DLGAP2: variants seen among roughly 807,000 people sequenced by gnomAD.
DLGAP2 encodes the protein disks large-associated protein 2.
A neutral mutation model predicts 100.3 loss-of-function variants in DLGAP2; 26 were observed. The ratio of observed to expected loss-of-function variants is 0.26; its 90% CI spans 0.19 to 0.36. The LOEUF is 0.36. DLGAP2 is among the 10% of genes least tolerant of loss of function. The pLI is 1.00. For synonymous variants in DLGAP2, 886 were observed against 630.1 expected, an observed-to-expected ratio of 1.41 and a Z score of -6.08; for missense variants, 1,858 against 1,453.2, an observed-to-expected ratio of 1.28 and a Z score of -4.53.
chr8:801,399 G>A (rs959255948), intron 1 of DLGAP2, among the ~76,000 whole-genome samples: 1 of 152,084 alleles, frequency 6.6e-6, no homozygotes, highest in Non-Finnish European at 1.5e-5. Context: ...TTTGCATAAG[G>A]CCCCGTGGGC....
chr8:1,240,751 GCA>G (rs1798774518), intron 2 of DLGAP2, among the ~76,000 whole-genome samples: 1 of 54,672 alleles, frequency 1.8e-5, no homozygotes, highest in Admixed American at 1.8e-4. Flanking sequence ...TGGTTCTCTC[GCA>G]TGGCGCCGTG....
intron 2 of DLGAP2, among the ~76,000 whole-genome samples, chr8:1,095,716 A>G (rs1804346562): frequency 6.6e-6 from 1 of 152,358 alleles, no homozygotes; most frequent in Admixed American, 6.5e-5. Flanking sequence ...GTGCTGGAGA[A>G]GAAAGCTCTA....
chr8:788,706 T>G (rs113483139), intron 1 of DLGAP2, among the ~76,000 whole-genome samples: 97 of 152,330 alleles, frequency 6.4e-4, no homozygotes, highest in African/African-American at 2.2e-3. Context: ...CTGGGGGCAG[T>G]GTTTTAATCA....
chr8:1,441,892 A>G (rs747117027), intron 3 of DLGAP2, among the ~76,000 whole-genome samples: 2 of 151,968 alleles, frequency 1.3e-5, no homozygotes, highest in Non-Finnish European at 1.5e-5. Context: ...TGCACCTATC[A>G]ATGTGGTCCA....
At chr8:1,337,855 C>A (rs1407215183) in intron 3 of DLGAP2, among the ~76,000 whole-genome samples, 2 of 152,022 alleles carry the variant, frequency 1.3e-5, no homozygotes, top group East Asian at 3.9e-4. Context: ...TGAAAAAGAC[C>A]AGTCAAATTA....
intron 1 of DLGAP2, among the ~76,000 whole-genome samples, chr8:766,240 C>G (rs1272812185): frequency 6.6e-6 from 1 of 152,248 alleles, no homozygotes; most frequent in African/African-American, 2.4e-5. Context: ...GCTGCACATA[C>G]GTGCACATAT....
intron 1 of DLGAP2, among the ~76,000 whole-genome samples, chr8:781,076 C>A (rs1172091282): frequency 1.3e-5 from 2 of 152,110 alleles, no homozygotes; most frequent in African/African-American, 4.8e-5. Context: ...GTATAGATAA[C>A]CCCTTTTTTT....
chr8:943,387 G>C (rs1397959389), intron 2 of DLGAP2, among the ~76,000 whole-genome samples: 1 of 152,262 alleles, frequency 6.6e-6, no homozygotes. Flanking sequence ...CGGACACTTT[G>C]GTTTTGACTG....
At chr8:1,420,756 T>A (rs775060390) in intron 3 of DLGAP2, among the ~76,000 whole-genome samples, 5 of 152,102 alleles carry the variant, frequency 3.3e-5, no homozygotes, top group Non-Finnish European at 7.3e-5. Context: ...GGCTCGGTGG[T>A]AATCTTGTTA....
At chr8:1,416,762 A>AAG (rs1261476865) in intron 3 of DLGAP2, among the ~76,000 whole-genome samples, 1 of 152,208 alleles carries the variant, frequency 6.6e-6, no homozygotes, top group Non-Finnish European at 1.5e-5. Flanking sequence ...TTGGCTGCTT[A>AAG]AGAGGAGAGC....
At chr8:993,499 C>T (rs1483336001) in intron 2 of DLGAP2, among the ~76,000 whole-genome samples, 2 of 138,966 alleles carry the variant, frequency 1.4e-5, no homozygotes, top group African/African-American at 5.6e-5. Context: ...TTGCCTGGAC[C>T]CCCTGCACCC....
In DLGAP2 at chr8:776,408, G is replaced by T. The variant is rs555631826; in HGVS notation, c.18+38583G>T. ...CTTCTGCTAGCTTTTGAATGTGTTT[G>T]CTCTTGCTTTTCTAGTTCTTTGAAT... On this transcript the variant is annotated intron_variant, in intron 1 of 14. Transcript: ENST00000637795. 9.1e-4 allele frequency among the ~76,000 whole-genome samples: 138 copies of T among 152,026 alleles called. 2 individuals are homozygous for T. Among genetic ancestry groups the T allele is most frequent in the Admixed American group, 1.8e-3 (27 of 15,264 alleles).
At chr8:956,033 G>T (rs1259731112) in intron 2 of DLGAP2, among the ~76,000 whole-genome samples, 5 of 152,192 alleles carry the variant, frequency 3.3e-5, no homozygotes, top group Admixed American at 2.0e-4. Flanking sequence ...GAAAGATGGG[G>T]TGATGGTGGA....
At chr8:1,602,313 A>C (rs1796654045) in intron 6 of DLGAP2, among the ~76,000 whole-genome samples, 1 of 152,248 alleles carries the variant, frequency 6.6e-6, no homozygotes, top group Admixed American at 6.5e-5. Flanking sequence ...GTTTCTAATT[A>C]ATGGTGTGCT....
At chr8:1,203,081 G>A (rs1797914292) in intron 2 of DLGAP2, among the ~76,000 whole-genome samples, 1 of 152,080 alleles carries the variant, frequency 6.6e-6, no homozygotes, top group South Asian at 2.1e-4. Context: ...TCCCAAATGG[G>A]CTGCTTGGGT....
chr8:1,347,133 T>A lies in DLGAP2; in HGVS notation c.106+88250T>A, dbSNP rs184025947. 1.8e-3 allele frequency among the ~76,000 whole-genome samples: 264 copies of A among 148,982 alleles called. 1 individual carries two copies. Among genetic ancestry groups the A allele is most frequent in the African/African-American group, 6.1e-3 (245 of 40,116 alleles). Reference sequence around the variant, plus strand: ...GAGTTCCCACACAGAGCTGCATTGCTCTCATGGCGGCTGTGTGGAGGTTGC... The same window carrying A: ...GAGTTCCCACACAGAGCTGCATTGCACTCATGGCGGCTGTGTGGAGGTTGC... On this transcript the variant is annotated intron_variant, in intron 3 of 14. Coordinates refer to ENST00000637795, the MANE Select transcript of DLGAP2 (RefSeq NM_001346810.2).
At chr8:1,022,311 C>T in intron 2 of DLGAP2, among the ~76,000 whole-genome samples, 1 of 150,098 alleles carries the variant, frequency 6.7e-6, no homozygotes. Context: ...AAACAGCACC[C>T]ACCCTCCCTG....
At chr8:1,369,316 G>A (rs1362286825) in intron 3 of DLGAP2, 1 of 152,292 alleles carries the variant, frequency 6.6e-6, no homozygotes, top group East Asian at 1.9e-4. Flanking sequence ...GCCTCCCCTT[G>A]GCTGGCAGAC....
At chr8:1,656,250 C>A (rs533465772) in intron 8 of DLGAP2, among the ~76,000 whole-genome samples, 1 of 151,684 alleles carries the variant, frequency 6.6e-6, no homozygotes, top group Non-Finnish European at 1.5e-5. Context: ...GCGGAGATTG[C>A]AGTGAGCTGA....
Sources: gnomAD v4.1 joint callset for allele counts (sites outside exome capture counted in the v4.1 genomes callset) on GRCh38, gnomAD v4.1.1 for gene constraint, MANE v1.5 for transcripts, NCBI Gene and HGNC (gene_info 2026-07-23, HGNC 2026-07-21) for gene names.